The following NR3C2 variants were observed in gnomAD, a reference collection of about 807,000 sequenced individuals.
NR3C2 encodes mineralocorticoid receptor.
In NR3C2, 15 loss-of-function variants were observed where a neutral mutation model predicts 86.4. The ratio of observed to expected loss-of-function variants is 0.17; its 90% CI spans 0.12 to 0.27. NR3C2 has a LOEUF of 0.27. Among genes scored for constraint, NR3C2 ranks in the 10% least tolerant of loss-of-function variants. The probability of loss-of-function intolerance (pLI) is 1.00; values close to 1 mark genes in which losing one functional copy is unlikely to be tolerated. For missense variants in NR3C2, 960 were observed against 1,195.6 expected, an observed-to-expected ratio of 0.80 and a Z score of 2.91; for synonymous variants, 458 against 450.5, an observed-to-expected ratio of 1.02 and a Z score of -0.21.
chr4:148,238,400 G>A (rs1404634118), intron 3 of NR3C2, among the ~76,000 whole-genome samples: 5 of 152,086 alleles, frequency 3.3e-5, no homozygotes. Context: ...CCAGACAAAC[G>A]AGAGGTCAGA....
At chr4:148,165,813 C>A (rs1480669908) in intron 4 of NR3C2, among the ~76,000 whole-genome samples, 1 of 152,092 alleles carries the variant, frequency 6.6e-6, no homozygotes. Flanking sequence ...TATCTTCACT[C>A]TATTATTAAG....
At chr4:148,408,755 T>C (rs905423010) in intron 2 of NR3C2, among the ~76,000 whole-genome samples, 2 of 152,252 alleles carry the variant, frequency 1.3e-5, no homozygotes, top group African/African-American at 4.8e-5. Context: ...AATATCACCA[T>C]TCAGAGAAAT....
At chr4:148,108,058 G>A (rs765794849) in intron 8 of NR3C2, among the ~76,000 whole-genome samples, 4 of 152,162 alleles carry the variant, frequency 2.6e-5, no homozygotes, top group Admixed American at 6.5e-5. Context: ...TCTGCTGCTT[G>A]TAGCAGTATG....
At chr4:148,239,524 G>A (rs1286547292) in intron 3 of NR3C2, among the ~76,000 whole-genome samples, 1 of 152,160 alleles carries the variant, frequency 6.6e-6, no homozygotes, top group Non-Finnish European at 1.5e-5. Flanking sequence ...GGGACCATTG[G>A]AGGCTTCTGC....
At chr4:148,252,145 G>C (rs1436184959) in intron 3 of NR3C2, among the ~76,000 whole-genome samples, 1 of 152,116 alleles carries the variant, frequency 6.6e-6, no homozygotes, top group African/African-American at 2.4e-5. Flanking sequence ...ACATTTGATA[G>C]AATTATCAAG....
At chr4:148,165,424 G>C (rs1734836358) in intron 4 of NR3C2, among the ~76,000 whole-genome samples, 1 of 152,038 alleles carries the variant, frequency 6.6e-6, no homozygotes, top group Non-Finnish European at 1.5e-5. Flanking sequence ...CACCAGGAAA[G>C]AGTTTTATCT....
chr4:148,249,207 C>T (rs1375415878), intron 3 of NR3C2, among the ~76,000 whole-genome samples: 1 of 151,788 alleles, frequency 6.6e-6, no homozygotes, highest in Non-Finnish European at 1.5e-5. Flanking sequence ...GTATGAATCT[C>T]CAAACTAAAG....
At chr4:148,196,150 G>A (rs1234073997) in intron 3 of NR3C2, among the ~76,000 whole-genome samples, 6 of 152,216 alleles carry the variant, frequency 3.9e-5, no homozygotes, top group African/African-American at 1.4e-4. Flanking sequence ...TATTCCAAAA[G>A]TAGAGCTGCA....
intron 8 of NR3C2, among the ~76,000 whole-genome samples, chr4:148,094,762 T>C (rs1036682796): frequency 2.0e-5 from 3 of 148,362 alleles, no homozygotes; most frequent in Non-Finnish European, 4.5e-5. Flanking sequence ...AAACAAAATA[T>C]GTTCACAGCA....
At chr4:148,399,661 C>T (rs1184997257) in intron 2 of NR3C2, among the ~76,000 whole-genome samples, 1 of 148,634 alleles carries the variant, frequency 6.7e-6, no homozygotes, top group Non-Finnish European at 1.5e-5. Context: ...TCTCCATCAT[C>T]GACAAAGTTT....
At chr4:148,139,285 C>T (rs1008235445) in intron 6 of NR3C2, among the ~76,000 whole-genome samples, 2 of 152,158 alleles carry the variant, frequency 1.3e-5, no homozygotes, top group African/African-American at 4.8e-5. Flanking sequence ...CACCTGTGTT[C>T]AAAACTTTGG....
At chr4:148,182,931 T>C (rs887848956) in intron 4 of NR3C2, among the ~76,000 whole-genome samples, 2 of 152,214 alleles carry the variant, frequency 1.3e-5, no homozygotes, top group Admixed American at 1.3e-4. Flanking sequence ...CAACTCGTCA[T>C]ATACATTAGG....
intron 2 of NR3C2, among the ~76,000 whole-genome samples, chr4:148,349,033 A>G (rs948893140): frequency 6.6e-6 from 1 of 152,134 alleles, no homozygotes; most frequent in Non-Finnish European, 1.5e-5. Context: ...GAGTAAAATA[A>G]CTCAAGAAAG....
intron 2 of NR3C2, among the ~76,000 whole-genome samples, chr4:148,346,041 G>A (rs1056623072): frequency 6.6e-6 from 1 of 152,110 alleles, no homozygotes; most frequent in Non-Finnish European, 1.5e-5. Context: ...AATGCTCCAG[G>A]CAGACAATAG....
chr4:148,219,338 G>A (rs1023440669), intron 3 of NR3C2, among the ~76,000 whole-genome samples: 3 of 152,002 alleles, frequency 2.0e-5, no homozygotes, highest in Non-Finnish European at 2.9e-5. Flanking sequence ...GGAGTTCTAG[G>A]GGTAATTTAT....
intron 7 of NR3C2, among the ~76,000 whole-genome samples, chr4:148,117,197 GA>G (rs1732309732): frequency 6.6e-6 from 1 of 152,112 alleles, no homozygotes; most frequent in African/African-American, 2.4e-5. Context: ...AAACTAGAGA[GA>G]ACATGCCCTG....
At chr4:148,404,168 T>C (rs1273816878) in intron 2 of NR3C2, among the ~76,000 whole-genome samples, 1 of 152,132 alleles carries the variant, frequency 6.6e-6, no homozygotes, top group Non-Finnish European at 1.5e-5. Flanking sequence ...TGGCTTCATT[T>C]CATTTCATAG....
intron 6 of NR3C2, among the ~76,000 whole-genome samples, chr4:148,145,607 C>T (rs1435528245): frequency 2.0e-5 from 3 of 152,154 alleles, no homozygotes; most frequent in Non-Finnish European, 4.4e-5. Context: ...TGCTGCAGAC[C>T]CAGACAGATT....
rs778135014 is a variant in NR3C2 at position 148,435,173 on chromosome 4, T to G, written c.1688A>C (p.His563Pro). The G allele has an allele frequency of 6.2e-7, 1 of 1,614,152 alleles. No homozygotes were observed. Among genetic ancestry groups the G allele is most frequent in the Non-Finnish European group, 8.5e-7 (1 of 1,180,012 alleles). ...ACTTCTTCTAGACGACAGGTCGCCG[T>G]GTGATTTCCATGACTCCACTAAAGT... ...VNTLVESWKS[H>P]GDLSSRRSDG... Residue 563 changes from histidine to proline, a missense_variant, in exon 2 of 9, where the codon CAC becomes CCC. His to Pro is a moderately conservative substitution (Grantham distance 77, BLOSUM62 -2). Coordinates refer to ENST00000358102, the MANE Select transcript of NR3C2 (RefSeq NM_000901.5).
Sources: allele counts gnomAD v4.1 joint callset (sites outside exome capture counted in the v4.1 genomes callset), GRCh38; gene constraint gnomAD v4.1.1; transcripts MANE v1.5; gene names NCBI Gene and HGNC (gene_info 2026-07-23, HGNC 2026-07-21).